Variants in ACSF3 observed in about 807,000 individuals in gnomAD.
ACSF3 encodes the protein acyl-CoA synthetase family member 3.
ACSF3 carries 78 observed loss-of-function variants against 53.2 expected under a neutral mutation model. That is an observed-to-expected ratio of 1.47 (90% confidence interval 1.22 to 1.77). The LOEUF (loss-of-function observed/expected upper bound fraction) is 1.77, where lower values mean the gene tolerates loss of function less well. ACSF3 is among the 40% of genes most tolerant of loss of function. ACSF3 has a pLI of 0.00. For missense variants in ACSF3, 937 were observed against 771.1 expected (o/e 1.22, Z -2.55); for synonymous variants, 414 against 333.1 (o/e 1.24, Z -2.65).
chr16:89,101,468 C>T, intron 3 of ACSF3, 121 bp downstream of exon 3: 1 of 1,527,696 alleles, frequency 6.5e-7, no homozygotes. Context: ...TGTCACCATC[C>T]TGCAGACCCG....
chr16:89,122,743 C>T (rs150631348), intron 7 of ACSF3: 245 of 153,496 alleles, frequency 1.6e-3, no homozygotes, highest in African/African-American at 5.4e-3. Context: ...CCTGCTCTGC[C>T]GGAAATGGCA....
intron 6 of ACSF3, 48 bp downstream of exon 6, chr16:89,114,535 C>G (rs763766396): frequency 6.2e-7 from 1 of 1,602,454 alleles, no homozygotes; most frequent in Non-Finnish European, 8.5e-7. Context: ...GTGCTCTGAG[C>G]CCCCCAAGGT....
intron 3 of ACSF3, among the ~76,000 whole-genome samples, chr16:89,101,693 C>T (rs1975364165): frequency 6.6e-6 from 1 of 152,218 alleles, no homozygotes; most frequent in African/African-American, 2.4e-5. Context: ...GTGGTCAGGA[C>T]CCCACATACA....
intron 2 of ACSF3, among the ~76,000 whole-genome samples, chr16:89,100,183 C>G (rs1412347887): frequency 1.3e-5 from 2 of 152,220 alleles, no homozygotes; most frequent in Non-Finnish European, 2.9e-5. Context: ...CCACTGCGCA[C>G]CAGTGTGGGA....
rs775664048 is a variant in ACSF3, at chr16:89,098,713, C to A, written c.-71C>A. 1 of 454,056 alleles carries A rather than the reference C, an allele frequency of 2.2e-6. No homozygotes were observed. The highest frequency in any genetic ancestry group is 2.3e-5 in the Admixed American group (1 of 42,564). The allele number at this position is 454,056 out of a possible 1,614,324, so 28.1% of individuals were successfully genotyped here. ...TGCTGAAGCAGCTGTGCCTGCCGCTCTTGTGAACTGCGAACTTCCCCTTAC... is the reference window on the plus strand; with the variant it reads ...TGCTGAAGCAGCTGTGCCTGCCGCTATTGTGAACTGCGAACTTCCCCTTAC... On this transcript the variant is annotated 5_prime_UTR_variant, in exon 2 of 11. Coordinates refer to ENST00000614302, the MANE Select transcript of ACSF3 (RefSeq NM_001243279.3).
intron 4 of ACSF3, among the ~76,000 whole-genome samples, chr16:89,110,720 C>G (rs1976577553): frequency 6.6e-6 from 1 of 152,212 alleles, no homozygotes; most frequent in African/African-American, 2.4e-5. Context: ...GGGAAGATTG[C>G]TTTGAAGCTG....
intron 6 of ACSF3, among the ~76,000 whole-genome samples, chr16:89,116,606 C>T (rs1240118793): frequency 6.6e-6 from 1 of 152,196 alleles, no homozygotes; most frequent in Non-Finnish European, 1.5e-5. Flanking sequence ...AGCTGCCGTG[C>T]AGAGCTGCCA....
rs1975195262 is a variant in ACSF3, at chr16:89,100,772, C to T, written c.91C>T (p.Leu31Phe). Residue 31 changes from leucine (L) to phenylalanine (F), a missense_variant, in exon 3 of 11, where the codon CTT becomes TTT. Transcript: ENST00000614302. ...GCCTGCGAGACACAGAGGAAGTGGTCTTCTGCACACAGCCCCAGTGGCCCG... is the reference window on the plus strand; with the variant it reads ...GCCTGCGAGACACAGAGGAAGTGGTTTTCTGCACACAGCCCCAGTGGCCCG... The part of the protein sequence containing the change: ...LAPARHRGSG[L>F]LHTAPVARSD... The T allele has an allele frequency of 6.2e-7, 1 of 1,610,216 alleles. No homozygotes were observed. Among genetic ancestry groups the T allele is most frequent in the Admixed American group, 1.7e-5 (1 of 60,016 alleles).
chr16:89,097,735 G>A (rs1974789862), intron 1 of ACSF3, among the ~76,000 whole-genome samples: 1 of 150,724 alleles, frequency 6.6e-6, no homozygotes, highest in South Asian at 2.1e-4. Context: ...CCAGGTGTGT[G>A]GGCGGACCAG....
In ACSF3 at chr16:89,101,292, G is replaced by A; in HGVS notation, c.611G>A (p.Gly204Glu). Residue 204 changes from glycine (G) to glutamate (E), a missense_variant, in exon 3 of 11, where the codon GGG (glycine) becomes GAG (glutamate). By Grantham distance (98) the Gly-to-Glu change is moderately conservative. Transcript: ENST00000614302. Reference protein sequence around the residue: ...NKGAMIIYTSGTTGRPKGVLS... With the variant: ...NKGAMIIYTSETTGRPKGVLS... Reference sequence around the variant, plus strand: ...GGCGCCATGATCATCTACACCAGTGGGACCACGGGGAGGCCCAAGGGCGTG... The same window carrying A: ...GGCGCCATGATCATCTACACCAGTGAGACCACGGGGAGGCCCAAGGGCGTG... 1.9e-6 allele frequency: 3 copies of A among 1,602,780 alleles called. No homozygotes were observed. The highest frequency in any genetic ancestry group is 2.6e-6 in the Non-Finnish European group (3 of 1,175,228).
intron 7 of ACSF3, among the ~76,000 whole-genome samples, chr16:89,123,647 C>G (rs1363678359): frequency 6.6e-6 from 1 of 152,204 alleles, no homozygotes; most frequent in African/African-American, 2.4e-5. Context: ...TGTTCCTGGG[C>G]AGATGATCAG....
chr16:89,106,882 G>C (rs527891755), intron 4 of ACSF3, among the ~76,000 whole-genome samples: 2 of 152,338 alleles, frequency 1.3e-5, no homozygotes, highest in Admixed American at 1.3e-4. Flanking sequence ...GTGACGGATG[G>C]GGTTGGGGGA....
In ACSF3 at chr16:89,093,979, G is replaced by A. The variant is rs559637211; in HGVS notation, c.-211G>A. On this transcript the variant is annotated 5_prime_UTR_variant, in exon 1 of 11. Transcript: ENST00000614302. Reference sequence around the variant, plus strand: ...GTGGCGAGGCAGATCCTGCCCCGTGGCCGCGGCCGTCTCGTAGGTGCGGGC... The same window carrying A: ...GTGGCGAGGCAGATCCTGCCCCGTGACCGCGGCCGTCTCGTAGGTGCGGGC... 8.4e-6 allele frequency: 2 copies of A among 236,898 alleles called. No homozygotes were observed. Among genetic ancestry groups the A allele is most frequent in the South Asian group, 4.0e-5 (1 of 24,844 alleles). 14.7% of individuals were successfully genotyped at this position (236,898 alleles called of 1,614,324 possible). A position where few individuals can be genotyped will look rare whatever the true frequency, so the allele number is the denominator to read the frequency against.
chr16:89,147,294 T>G (rs1449177696), intron 10 of ACSF3, among the ~76,000 whole-genome samples: 2 of 47,558 alleles, frequency 4.2e-5, no homozygotes, highest in South Asian at 1.2e-3. Flanking sequence ...ACAGTGTGAG[T>G]GAGGGAGGAG....
At chr16:89,107,181 G>A (rs758959016) in intron 4 of ACSF3, among the ~76,000 whole-genome samples, 2 of 152,336 alleles carry the variant, frequency 1.3e-5, no homozygotes, top group South Asian at 4.1e-4. Context: ...TTCACGTCTT[G>A]GAAGTGTGGC....
At chr16:89,120,196 G>A (rs1286331232) in intron 6 of ACSF3, among the ~76,000 whole-genome samples, 1 of 152,250 alleles carries the variant, frequency 6.6e-6, no homozygotes, top group Non-Finnish European at 1.5e-5. Flanking sequence ...TTTTAGCCAC[G>A]TTGAGACTGT....
At chr16:89,127,693 C>G (rs1598019180) in intron 7 of ACSF3, among the ~76,000 whole-genome samples, 1 of 152,142 alleles carries the variant, frequency 6.6e-6, no homozygotes, top group African/African-American at 2.4e-5. Flanking sequence ...AGAAAAAGAA[C>G]TATGAATTCA....
At chr16:89,138,614 C>G (rs1366580311) in intron 8 of ACSF3, among the ~76,000 whole-genome samples, 1 of 152,252 alleles carries the variant, frequency 6.6e-6, no homozygotes, top group Non-Finnish European at 1.5e-5. Flanking sequence ...TGTGAAGCCC[C>G]TCTCTTCCCT....
At position 89,131,169 on chromosome 16, in the gene ACSF3, C is replaced by T. The variant is rs546979366; in HGVS notation, c.1240-1967C>T. On this transcript the variant is annotated intron_variant, in intron 7 of 10. Coordinates refer to ENST00000614302, the MANE Select transcript of ACSF3 (RefSeq NM_001243279.3). ...TTTTTTTTGAGACAGGGTCTCACTCCGTCACCTAGGCTGAAGTGCAGGGCT... is the reference window on the plus strand; with the variant it reads ...TTTTTTTTGAGACAGGGTCTCACTCTGTCACCTAGGCTGAAGTGCAGGGCT... Among the ~76,000 whole-genome samples the T allele has an allele frequency of 1.0e-3, 138 of 134,142 alleles. 1 individual carries two copies. The highest frequency in any genetic ancestry group is 3.4e-3 in the African/African-American group (121 of 36,054). 88.0% of individuals were successfully genotyped at this position (134,142 alleles called of 152,430 possible).
Sources: gnomAD v4.1 joint callset for allele counts (sites outside exome capture counted in the v4.1 genomes callset) on GRCh38, gnomAD v4.1.1 for gene constraint, MANE v1.5 for transcripts, NCBI Gene and HGNC (gene_info 2026-07-23, HGNC 2026-07-21) for gene names.